FRMD4A: variants seen among roughly 807,000 people sequenced by gnomAD.
The protein encoded by FRMD4A is FERM domain containing 4A, also known as FERM domain-containing protein 4A.
FRMD4A carries 29 observed loss-of-function variants against 129.1 expected under a neutral mutation model. The ratio of observed to expected loss-of-function variants is 0.22; its 90% confidence interval spans 0.17 to 0.31. The LOEUF (loss-of-function observed/expected upper bound fraction) is 0.31. Among genes scored for constraint, FRMD4A ranks in the 10% least tolerant of loss-of-function variants. The probability of loss-of-function intolerance (pLI) is 1.00; values close to 1 mark genes in which losing one functional copy is unlikely to be tolerated. For missense variants in FRMD4A, 1,272 were observed against 1,375.8 expected (o/e 0.92, Z 1.19); for synonymous variants, 634 against 571.6 (o/e 1.11, Z -1.56).
intron 2 of FRMD4A, among the ~76,000 whole-genome samples, chr10:14,072,638 A>T (rs1480012734): frequency 6.6e-6 from 1 of 152,220 alleles, no homozygotes; most frequent in Non-Finnish European, 1.5e-5. Context: ...AAGCTGCATC[A>T]CAACCATCTC....
At position 13,931,242 on chromosome 10, in the gene FRMD4A, C is replaced by T. The variant is rs569828272; in HGVS notation, c.46-72330G>A. Among the ~76,000 whole-genome samples, 49 of 152,240 alleles carry T rather than the reference C, an allele frequency of 3.2e-4. 1 individual carries two copies. The East Asian group carries it at 8.5e-3, about 26-fold the overall frequency. ...TTCTGAAGAGACTCAGTGAGTTGCCCAAAGTCCCAGAGCTAAGTCAAGGCC... is the reference window on the plus strand; with the variant it reads ...TTCTGAAGAGACTCAGTGAGTTGCCTAAAGTCCCAGAGCTAAGTCAAGGCC... On this transcript the variant is annotated intron_variant, in intron 2 of 24. Coordinates refer to ENST00000357447, the MANE Select transcript of FRMD4A (RefSeq NM_018027.5).
At chr10:14,156,804 C>A (rs913524739) in intron 2 of FRMD4A, among the ~76,000 whole-genome samples, 14 of 152,316 alleles carry the variant, frequency 9.2e-5, no homozygotes, top group African/African-American at 2.9e-4. Flanking sequence ...GCTTATAAAC[C>A]TGAGCACACG....
intron 2 of FRMD4A, among the ~76,000 whole-genome samples, chr10:14,047,041 T>C (rs905989093): frequency 2.6e-5 from 4 of 152,096 alleles, no homozygotes; most frequent in African/African-American, 9.7e-5. Flanking sequence ...GGCCTCCACC[T>C]CCAATATAAC....
At chr10:14,238,404 C>G (rs544808171) in intron 2 of FRMD4A, among the ~76,000 whole-genome samples, 1 of 152,294 alleles carries the variant, frequency 6.6e-6, no homozygotes, top group South Asian at 2.1e-4. Flanking sequence ...TTCATTTCTT[C>G]CTTAGGAAAA....
At chr10:14,013,839 G>A (rs546719073) in intron 2 of FRMD4A, among the ~76,000 whole-genome samples, 1 of 152,372 alleles carries the variant, frequency 6.6e-6, no homozygotes, top group Non-Finnish European at 1.5e-5. Flanking sequence ...GCTGAGGCAG[G>A]AGAATCACTT....
At chr10:14,231,230 A>T (rs1843627777) in intron 2 of FRMD4A, among the ~76,000 whole-genome samples, 2 of 152,150 alleles carry the variant, frequency 1.3e-5, no homozygotes, top group Admixed American at 1.3e-4. Context: ...ACTAATTTAC[A>T]TTCCCACCAA....
At chr10:14,144,937 G>C (rs2131846802) in intron 2 of FRMD4A, among the ~76,000 whole-genome samples, 1 of 152,324 alleles carries the variant, frequency 6.6e-6, no homozygotes, top group East Asian at 1.9e-4. Context: ...TCTCAGCTGA[G>C]AGGTCCTTAG....
intron 2 of FRMD4A, among the ~76,000 whole-genome samples, chr10:13,925,403 T>C (rs2095120146): frequency 6.6e-6 from 1 of 152,116 alleles, no homozygotes; most frequent in Admixed American, 6.6e-5. Flanking sequence ...TGTGATCGCT[T>C]TATCTTCTGT....
chr10:14,310,393 C>T (rs11598626), intron 2 of FRMD4A, among the ~76,000 whole-genome samples: 4,505 of 152,306 alleles, frequency 0.03, 89 homozygotes, highest in Non-Finnish European at 0.043. Flanking sequence ...GGCAGAATTT[C>T]CCTTTTAACA....
chr10:14,136,110 C>T (rs905059747), intron 2 of FRMD4A, among the ~76,000 whole-genome samples: 3 of 152,132 alleles, frequency 2.0e-5, no homozygotes, highest in South Asian at 2.1e-4. Context: ...GCTCATAATT[C>T]GTGTTATGCA....
chr10:14,241,168 G>A lies in FRMD4A; in HGVS notation c.45+88890C>T, dbSNP rs141114686. Among the ~76,000 whole-genome samples, 17 of 152,268 alleles carry A rather than the reference G, an allele frequency of 1.1e-4. No individual in the cohort carries two copies. In the East Asian group the frequency reaches 2.9e-3, roughly 26 times the overall value. On this transcript the variant is annotated intron_variant, in intron 2 of 24. Transcript: ENST00000357447. ...TGCTTTCAAGGGATGTAATAAAATAGCCTATGTTAAAACTGGCCTATAAAA... is the reference window on the plus strand; with the variant it reads ...TGCTTTCAAGGGATGTAATAAAATAACCTATGTTAAAACTGGCCTATAAAA...
At chr10:13,692,737 T>C (rs2085829092) in intron 15 of FRMD4A, 1 of 152,270 alleles carries the variant, frequency 6.6e-6, no homozygotes, top group South Asian at 2.1e-4. Context: ...GTCTTTTCCT[T>C]TTTGTTATTG....
intron 2 of FRMD4A, among the ~76,000 whole-genome samples, chr10:14,054,498 CA>C (rs562528471): frequency 3.3e-5 from 5 of 151,844 alleles, no homozygotes; most frequent in East Asian, 1.9e-4. Context: ...AACGATACTC[CA>C]AAAAAAAATC....
At position 14,095,401 on chromosome 10, in the gene FRMD4A, G is replaced by C. The variant is rs373806114; in HGVS notation, c.45+234657C>G. On this transcript the variant is annotated intron_variant, in intron 2 of 24. Coordinates refer to ENST00000357447, the MANE Select transcript of FRMD4A (RefSeq NM_018027.5). ...ATTGCAAAAATGGCACTGTCACTTG[G>C]CACTGGGCCACTCACTGATTTGATG... Among the ~76,000 whole-genome samples the C allele has an allele frequency of 2.2e-3, 334 of 152,292 alleles. 1 individual carries two copies. Among genetic ancestry groups the C allele is most frequent in the African/African-American group, 7.5e-3 (313 of 41,560 alleles).
intron 2 of FRMD4A, among the ~76,000 whole-genome samples, chr10:14,177,653 A>G (rs1841778838): frequency 6.6e-6 from 1 of 152,252 alleles, no homozygotes; most frequent in African/African-American, 2.4e-5. Flanking sequence ...GTTAAACAAA[A>G]TTCGACTGAT....
At chr10:14,276,687 C>T (rs1324919290) in intron 2 of FRMD4A, among the ~76,000 whole-genome samples, 1 of 152,092 alleles carries the variant, frequency 6.6e-6, no homozygotes, top group East Asian at 1.9e-4. Flanking sequence ...TGAGAGGATC[C>T]TCGCATCTCC....
chr10:14,145,997 C>G (rs1840055603), intron 2 of FRMD4A, among the ~76,000 whole-genome samples: 1 of 152,176 alleles, frequency 6.6e-6, no homozygotes, highest in South Asian at 2.1e-4. Flanking sequence ...ACAATATCAC[C>G]TAGAAATGAA....
chr10:13,926,263 A>G (rs2095132542), intron 2 of FRMD4A, among the ~76,000 whole-genome samples: 1 of 152,230 alleles, frequency 6.6e-6, no homozygotes, highest in Admixed American at 6.5e-5. Flanking sequence ...TAGAAGAATC[A>G]GTGAAAATCT....
intron 2 of FRMD4A, among the ~76,000 whole-genome samples, chr10:13,946,039 A>G (rs1207663897): frequency 6.6e-6 from 1 of 152,228 alleles, no homozygotes; most frequent in Non-Finnish European, 1.5e-5. Context: ...AGGGAAGTAA[A>G]AAACAGGACT....
Sources: allele counts gnomAD v4.1 joint callset (sites outside exome capture counted in the v4.1 genomes callset), GRCh38; gene constraint gnomAD v4.1.1; transcripts MANE v1.5; gene names NCBI Gene and HGNC (gene_info 2026-07-23, HGNC 2026-07-21).